The following SVOPL variants were observed in gnomAD, a reference collection of about 807,000 sequenced individuals.
The protein encoded by SVOPL is putative transporter SVOPL.
A neutral mutation model predicts 61.0 loss-of-function variants in SVOPL; 60 were observed. The ratio of observed to expected loss-of-function variants is 0.98; its 90% CI spans 0.80 to 1.22. SVOPL has a LOEUF of 1.22. SVOPL is among the 50% of genes most tolerant of loss of function. The pLI, the probability that SVOPL is intolerant of heterozygous loss-of-function variation, is 0.00. For missense variants in SVOPL, 662 were observed against 643.9 expected (o/e 1.03, Z -0.30); for synonymous variants, 279 against 250.0 (o/e 1.12, Z -1.09).
chr7:138,639,699 C>T (rs529778045), intron 9 of SVOPL, among the ~76,000 whole-genome samples: 2 of 152,076 alleles, frequency 1.3e-5, no homozygotes, highest in South Asian at 4.2e-4. Context: ...TATAGCTTTA[C>T]AAGAGATACT....
Position 138,596,452 on chromosome 7 carries a change from T to C in SVOPL, c.1432A>G (p.Thr478Ala). 6.2e-7 allele frequency: 1 copy of C among 1,613,470 alleles called. No individual in the cohort carries two copies. Reference protein sequence around the residue: ...VCVVCAISAFTLPIETKGRAL... With the variant: ...VCVVCAISAFALPIETKGRAL... Reference sequence around the variant, plus strand: ...CGTCCTTTGGTTTCGATGGGGAGAGTGAATGCAGAAATGGCGCATACAACA... The same window carrying C: ...CGTCCTTTGGTTTCGATGGGGAGAGCGAATGCAGAAATGGCGCATACAACA... The change falls in exon 15 of 16, where the codon ACT becomes GCT. Residue 478 changes from threonine (T) to alanine (A), a missense_variant. Coordinates refer to ENST00000674285, the MANE Select transcript of SVOPL (RefSeq NM_001139456.2).
intron 10 of SVOPL, among the ~76,000 whole-genome samples, chr7:138,628,582 C>T (rs1397563468): frequency 1.3e-5 from 2 of 152,168 alleles, no homozygotes; most frequent in Non-Finnish European, 2.9e-5. Context: ...ATTGCCGGGC[C>T]ATAGTATACA....
intron 1 of SVOPL, among the ~76,000 whole-genome samples, chr7:138,693,522 A>G (rs1390003266): frequency 1.5e-5 from 2 of 130,910 alleles, no homozygotes; most frequent in Non-Finnish European, 3.1e-5. Context: ...AAAGAAGAAA[A>G]GAAAGAAAAA....
At chr7:138,621,822 G>GTATCTATGTATCTATC (rs1799581815) in intron 13 of SVOPL, among the ~76,000 whole-genome samples, 1 of 13,418 alleles carries the variant, frequency 7.5e-5, no homozygotes, top group African/African-American at 1.9e-4. Context: ...ATGTATCTAT[G>GTATCTATGTATCTATC]TATCTATGTA....
At position 138,594,606 on chromosome 7, in the gene SVOPL, G is replaced by T. The variant is rs1335167991; in HGVS notation, c.*4C>A. 2 of 1,595,248 alleles carry T rather than the reference G, an allele frequency of 1.3e-6. No individual in the cohort carries two copies. The highest frequency in any genetic ancestry group is 1.7e-4 in the Middle Eastern group (1 of 5,988). ...TCATCTGGTAGACATAGCTTTGCAG[G>T]TCTTCATTTAATTTGCTGGAAGAAA... On this transcript the variant is annotated 3_prime_UTR_variant, in exon 16 of 16. Transcript: ENST00000674285.
chr7:138,604,191 C>G (rs1055730583), intron 14 of SVOPL, among the ~76,000 whole-genome samples: 1 of 151,878 alleles, frequency 6.6e-6, no homozygotes. Flanking sequence ...CTCAGACTCC[C>G]AGGATGAAGC....
intron 1 of SVOPL, among the ~76,000 whole-genome samples, chr7:138,684,119 C>G (rs955210297): frequency 5.3e-5 from 8 of 151,642 alleles, no homozygotes; most frequent in African/African-American, 1.9e-4. Context: ...AATCCCAGCA[C>G]TTTGGGAGGC....
At position 138,642,312 on chromosome 7, in the gene SVOPL, A is replaced by G. The variant is rs79649417; in HGVS notation, c.789+2405T>C. Among the ~76,000 whole-genome samples, 815 of 150,978 alleles carry G rather than the reference A, an allele frequency of 5.4e-3. 18 individuals are homozygous for G. Among genetic ancestry groups the G allele is most frequent in the African/African-American group, 0.019 (760 of 41,076 alleles). Reference sequence around the variant, plus strand: ...CAAAAAAAAAAAAAAAAAAATCAATAAAGAGAATGGACCCCGCCCCCGCAA... The same window carrying G: ...CAAAAAAAAAAAAAAAAAAATCAATGAAGAGAATGGACCCCGCCCCCGCAA... On this transcript the variant is annotated intron_variant, in intron 9 of 15. Transcript: ENST00000674285.
intron 14 of SVOPL, chr7:138,597,125 C>T (rs2116730362): frequency 7.8e-7 from 1 of 1,279,896 alleles, no homozygotes; most frequent in Non-Finnish European, 1.0e-6. Context: ...TCTTTTCACG[C>T]AGATACTGGT....
intron 1 of SVOPL, 112 bp downstream of exon 1, chr7:138,701,066 T>A (rs1803185369): frequency 6.6e-6 from 1 of 152,174 alleles, no homozygotes; most frequent in Non-Finnish European, 1.5e-5. Flanking sequence ...TCCAAGGAAA[T>A]TTTCATGCTC....
In SVOPL at chr7:138,678,456, AAG is replaced by A; in HGVS notation, c.150_151del (p.Phe51SerfsTer10). On this transcript the variant is annotated frameshift_variant, in exon 3 of 16. Transcript: ENST00000674285. LOFTEE classifies it high-confidence loss of function. ...CACCCCAGTACTGCCCATGATCAGAAAGAGGGCAATGTGGAAACGCCCGAAGC... is the reference window on the plus strand; with the variant it reads ...CACCCCAGTACTGCCCATGATCAGAAAGGGCAATGTGGAAACGCCCGAAGC... 1.9e-6 allele frequency: 3 copies of A among 1,552,006 alleles called. No individual in the cohort carries two copies. The highest frequency in any genetic ancestry group is 2.4e-5 in the East Asian group (1 of 40,916).
chr7:138,657,653 T>C (rs1251419364), intron 6 of SVOPL, among the ~76,000 whole-genome samples: 1 of 152,208 alleles, frequency 6.6e-6, no homozygotes, highest in Non-Finnish European at 1.5e-5. Context: ...ATTTTTAACA[T>C]ATTTATTGAG....
Position 138,650,240 on chromosome 7 carries a change from C to T in SVOPL, c.535-1103G>A, listed in dbSNP as rs28535462. On this transcript the variant is annotated intron_variant, in intron 7 of 15. Transcript: ENST00000674285. ...TGACACGGTTCACTGATGGACGTTT[C>T]GACTGAAGGTCTAATAATAGAGGGT... Among the ~76,000 whole-genome samples, 950 of 152,196 alleles carry T rather than the reference C, an allele frequency of 6.2e-3. 10 individuals are homozygous for T. Among genetic ancestry groups the T allele is most frequent in the African/African-American group, 0.021 (880 of 41,524 alleles).
chr7:138,678,429 C>T lies in SVOPL; in HGVS notation c.174+5G>A, dbSNP rs983153011. 3 of 1,550,282 alleles carry T rather than the reference C, an allele frequency of 1.9e-6. No homozygotes were observed. Among genetic ancestry groups the T allele is most frequent in the Non-Finnish European group, 2.6e-6 (3 of 1,146,664 alleles). ...TTTTCGTCAACATCTCGAAGGAGCACTCACCCCAGTACTGCCCATGATCAG... is the reference window on the plus strand; with the variant it reads ...TTTTCGTCAACATCTCGAAGGAGCATTCACCCCAGTACTGCCCATGATCAG... On this transcript the variant is annotated splice_donor_5th_base_variant and intron_variant, in intron 3 of 15. Transcript: ENST00000674285.
At chr7:138,624,594 ATCAAG>A (rs1479484994) in intron 13 of SVOPL, among the ~76,000 whole-genome samples, 3 of 152,194 alleles carry the variant, frequency 2.0e-5, no homozygotes, top group Non-Finnish European at 4.4e-5. Flanking sequence ...ATCTTGATAT[ATCAAG>A]TCAACACGAA....
rs752780749 is a variant in SVOPL at position 138,621,076 on chromosome 7, A to G, written c.1323T>C (p.Ile441=). The change falls in exon 14 of 16, where the codon ATT becomes ATC. Residue 441 remains isoleucine (I), a synonymous_variant. Transcript: ENST00000674285. ...GMGTSGSLCR[I]GAMVAPFISQ... ...ATATAAATGGTGCCACCATTGCACC[A>G]ATGCGACACAGGGAGCCGCTGGTTC... The G allele has an allele frequency of 1.2e-6, 2 of 1,613,508 alleles. No individual in the cohort carries two copies. The highest frequency in any genetic ancestry group is 2.7e-5 in the African/African-American group (2 of 74,890).
intron 3 of SVOPL, among the ~76,000 whole-genome samples, chr7:138,674,790 A>T (rs1211624287): frequency 6.6e-6 from 1 of 151,750 alleles, no homozygotes; most frequent in Non-Finnish European, 1.5e-5. Context: ...CAGGAGGCAC[A>T]GCTTGCAGTG....
intron 4 of SVOPL, among the ~76,000 whole-genome samples, chr7:138,669,824 C>T (rs140504295): frequency 1.4e-3 from 209 of 152,278 alleles, no homozygotes; most frequent in African/African-American, 4.6e-3. Context: ...ATTTTGTATG[C>T]CTTTTTTCCC....
chr7:138,691,000 C>T (rs1032088304), intron 1 of SVOPL, among the ~76,000 whole-genome samples: 13 of 152,158 alleles, frequency 8.5e-5, no homozygotes, highest in Middle Eastern at 3.2e-3. Context: ...GTCTCAAACT[C>T]CTAACCTCAA....
Sources: gnomAD v4.1 joint callset for allele counts (sites outside exome capture counted in the v4.1 genomes callset) on GRCh38, gnomAD v4.1.1 for gene constraint, MANE v1.5 for transcripts, NCBI Gene and HGNC (gene_info 2026-07-23, HGNC 2026-07-21) for gene names.